Variants in RABGAP1L observed in about 807,000 individuals in gnomAD.
The protein encoded by RABGAP1L is RAB GTPase activating protein 1 like, also known as rab GTPase-activating protein 1-like.
Under a neutral mutation model 137.7 loss-of-function variants are expected in RABGAP1L, and 63 were observed. That is an observed-to-expected ratio of 0.46 (90% CI 0.37 to 0.56). The LOEUF (loss-of-function observed/expected upper bound fraction) is 0.56. Ranked by LOEUF, RABGAP1L falls within the 20% of genes least tolerant of loss-of-function variation. The probability of loss-of-function intolerance (pLI) is 0.00; values close to 1 mark genes in which losing one functional copy is unlikely to be tolerated. For synonymous variants in RABGAP1L, 431 were observed against 433.7 expected (o/e 0.99, Z 0.08); for missense variants, 1,095 against 1,244.0 (o/e 0.88, Z 1.80).
At chr1:174,452,505 C>T (rs779098375) in intron 13 of RABGAP1L, among the ~76,000 whole-genome samples, 2 of 152,134 alleles carry the variant, frequency 1.3e-5, no homozygotes, top group Non-Finnish European at 2.9e-5. Context: ...CCCAGCATAG[C>T]TCCTGGCACA....
chr1:174,656,055 G>T (rs1675942635), intron 14 of RABGAP1L, among the ~76,000 whole-genome samples: 1 of 152,110 alleles, frequency 6.6e-6, no homozygotes, highest in Admixed American at 6.5e-5. Flanking sequence ...ATAGAACTAA[G>T]GAATCTATAT....
chr1:174,636,650 T>C (rs1273775343), intron 13 of RABGAP1L, among the ~76,000 whole-genome samples: 1 of 152,162 alleles, frequency 6.6e-6, no homozygotes, highest in South Asian at 2.1e-4. Flanking sequence ...TAAATGACCA[T>C]GGTCTGAGTT....
chr1:174,371,330 C>T (rs1283284094), intron 12 of RABGAP1L, among the ~76,000 whole-genome samples: 1 of 151,896 alleles, frequency 6.6e-6, no homozygotes, highest in East Asian at 1.9e-4. Flanking sequence ...TTCACTCAGA[C>T]CGTATTATTT....
chr1:174,771,796 T>A (rs1686128467), intron 18 of RABGAP1L, among the ~76,000 whole-genome samples: 1 of 152,244 alleles, frequency 6.6e-6, no homozygotes. Flanking sequence ...CAGTTTGTAA[T>A]GAGCTCTCAA....
intron 13 of RABGAP1L, among the ~76,000 whole-genome samples, chr1:174,482,640 C>T (rs542275223): frequency 2.4e-4 from 36 of 152,182 alleles, no homozygotes; most frequent in African/African-American, 7.9e-4. Flanking sequence ...AAGTGTGCCA[C>T]GTAATTTTTG....
At chr1:174,676,729 A>G (rs1677656898) in intron 14 of RABGAP1L, among the ~76,000 whole-genome samples, 1 of 152,230 alleles carries the variant, frequency 6.6e-6, no homozygotes, top group Non-Finnish European at 1.5e-5. Context: ...TGTTAGCTTC[A>G]GCCATCATAT....
At chr1:174,610,997 C>T (rs566294181) in intron 13 of RABGAP1L, among the ~76,000 whole-genome samples, 304 of 150,176 alleles carry the variant, frequency 2.0e-3, no homozygotes, top group African/African-American at 4.5e-3. Flanking sequence ...TTCTCCCATT[C>T]TGTAGGTTGC....
At chr1:174,431,560 T>C (rs902756709) in intron 13 of RABGAP1L, among the ~76,000 whole-genome samples, 17 of 152,194 alleles carry the variant, frequency 1.1e-4, no homozygotes, top group Non-Finnish European at 1.9e-4. Flanking sequence ...CTTTATTTGC[T>C]CTTTGAGAAA....
At chr1:174,253,957 A>G (rs1032164722) in intron 7 of RABGAP1L, among the ~76,000 whole-genome samples, 2 of 152,150 alleles carry the variant, frequency 1.3e-5, no homozygotes, top group Non-Finnish European at 1.5e-5. Flanking sequence ...TTCCAATAAT[A>G]AATAGATTCC....
intron 11 of RABGAP1L, among the ~76,000 whole-genome samples, chr1:174,308,135 C>T (rs1348268945): frequency 6.6e-6 from 1 of 151,652 alleles, no homozygotes. Flanking sequence ...CTATTTAGGT[C>T]CCCTGTCCAT....
chr1:174,320,409 A>C (rs1336588324), intron 11 of RABGAP1L, among the ~76,000 whole-genome samples: 3 of 152,176 alleles, frequency 2.0e-5, no homozygotes, highest in Non-Finnish European at 4.4e-5. Flanking sequence ...ACATCATGTT[A>C]GCAGTTGGTT....
At chr1:174,202,477 C>G (rs139435389) in intron 1 of RABGAP1L, among the ~76,000 whole-genome samples, 1 of 152,072 alleles carries the variant, frequency 6.6e-6, no homozygotes, top group Non-Finnish European at 1.5e-5. Flanking sequence ...TCATATCCTT[C>G]GCCTACTTTT....
rs545723493 is a variant in RABGAP1L, at chr1:174,550,835, C to T, written c.1711-86540C>T. Among the ~76,000 whole-genome samples, 90 of 134,538 alleles carry T rather than the reference C, an allele frequency of 6.7e-4. 1 individual carries two copies. The highest frequency in any genetic ancestry group is 2.0e-3 in the African/African-American group (70 of 34,558). The allele number at this position is 134,538 out of a possible 152,430, so 88.3% of individuals were successfully genotyped here. ...GAGATTGAAATCATCCTGGCTAACA[C>T]GGTGAAACCCCGTCTCTGCTAAATA... On this transcript the variant is annotated intron_variant, in intron 13 of 25. Transcript: ENST00000681986.
In RABGAP1L at chr1:174,538,709, C is replaced by T. The variant is rs547963113; in HGVS notation, c.1711-98666C>T. On this transcript the variant is annotated intron_variant, in intron 13 of 25. Transcript: ENST00000681986. Reference sequence around the variant, plus strand: ...TTGAATTCCCTGGGAGACAAATGGTCAAATATATGAAACCCATTATAGAAT... The same window carrying T: ...TTGAATTCCCTGGGAGACAAATGGTTAAATATATGAAACCCATTATAGAAT... Among the ~76,000 whole-genome samples, 385 of 152,156 alleles carry T rather than the reference C, an allele frequency of 2.5e-3. 5 individuals carry two copies. Among genetic ancestry groups the T allele is most frequent in the African/African-American group, 8.9e-3 (371 of 41,506 alleles).
intron 14 of RABGAP1L, among the ~76,000 whole-genome samples, chr1:174,659,821 T>C (rs116210076): frequency 0.012 from 1,827 of 152,290 alleles, 40 homozygotes; most frequent in African/African-American, 0.042. Flanking sequence ...AGTTTTTTTT[T>C]CCCATCTCAG....
intron 21 of RABGAP1L, among the ~76,000 whole-genome samples, chr1:174,970,255 C>T (rs1355699754): frequency 1.3e-5 from 2 of 152,168 alleles, no homozygotes; most frequent in Non-Finnish European, 2.9e-5. Context: ...TCAATTCAGC[C>T]TTACCTCAGT....
chr1:174,623,459 A>C (rs867219090), intron 13 of RABGAP1L, among the ~76,000 whole-genome samples: 4 of 152,216 alleles, frequency 2.6e-5, no homozygotes, highest in African/African-American at 7.2e-5. Context: ...TTATACTCAT[A>C]GTTACAGTGT....
chr1:174,693,013 G>A (rs535311568), intron 15 of RABGAP1L, among the ~76,000 whole-genome samples: 8 of 152,058 alleles, frequency 5.3e-5, no homozygotes, highest in Non-Finnish European at 8.8e-5. Flanking sequence ...CTCCTGCAGC[G>A]CCTTTTGTAT....
intron 13 of RABGAP1L, among the ~76,000 whole-genome samples, chr1:174,477,310 C>T (rs1465692110): frequency 6.6e-6 from 1 of 152,192 alleles, no homozygotes; most frequent in Non-Finnish European, 1.5e-5. Flanking sequence ...ATAACCTTCA[C>T]TGTGCTTCTT....
Sources: allele counts gnomAD v4.1 joint callset (sites outside exome capture counted in the v4.1 genomes callset), GRCh38; gene constraint gnomAD v4.1.1; transcripts MANE v1.5; gene names NCBI Gene and HGNC (gene_info 2026-07-23, HGNC 2026-07-21).